Variants in SYT2 observed in about 807,000 individuals in gnomAD.
SYT2 encodes synaptotagmin 2.
In SYT2, 15 loss-of-function variants were observed where a neutral mutation model predicts 39.9. The ratio of observed to expected loss-of-function variants is 0.38; its 90% confidence interval spans 0.25 to 0.58. SYT2 has a LOEUF of 0.58. Ranked by LOEUF, SYT2 falls within the 20% of genes least tolerant of loss-of-function variation. The pLI is 0.70. For synonymous variants in SYT2, 181 were observed against 204.5 expected (o/e 0.89, Z 0.98); for missense variants, 389 against 530.3 (o/e 0.73, Z 2.62).
chr1:202,597,941 C>T (rs1444132617), intron 8 of SYT2, among the ~76,000 whole-genome samples: 1 of 152,178 alleles, frequency 6.6e-6, no homozygotes, highest in East Asian at 1.9e-4. Context: ...CCAGCCAACT[C>T]AGATTTGTCC....
intron 1 of SYT2, among the ~76,000 whole-genome samples, chr1:202,606,267 G>C (rs752265872): frequency 5.3e-5 from 8 of 152,138 alleles, no homozygotes; most frequent in Non-Finnish European, 8.8e-5. Flanking sequence ...TCACTTAGCT[G>C]TAAGTTCTGA....
chr1:202,604,585 G>C lies in SYT2; in HGVS notation c.215C>G (p.Ala72Gly), dbSNP rs1271157459. ...PWALIAIAVVAGLLLLTCCFC... is the reference protein window; with the variant it reads ...PWALIAIAVVGGLLLLTCCFC... Reference sequence around the variant, plus strand: ...GCAGCAGGTGAGAAGCAGGAGCCCAGCAACCACAGCAATGGCGATCAGTGC... The same window carrying C: ...GCAGCAGGTGAGAAGCAGGAGCCCACCAACCACAGCAATGGCGATCAGTGC... Residue 72 changes from alanine to glycine, a missense_variant, in exon 3 of 9, where the codon GCT (alanine) becomes GGT (glycine). Transcript: ENST00000367268. The C allele has an allele frequency of 6.2e-7, 1 of 1,614,038 alleles. No homozygotes were observed. Among genetic ancestry groups the C allele is most frequent in the Admixed American group, 1.7e-5 (1 of 60,000 alleles).
At chr1:202,654,162 G>A (rs564248685) in intron 1 of SYT2, among the ~76,000 whole-genome samples, 5 of 152,214 alleles carry the variant, frequency 3.3e-5, no homozygotes, top group Non-Finnish European at 7.3e-5. Flanking sequence ...TGACATTGGT[G>A]CAAATAATTA....
At chr1:202,669,954 G>A (rs1006075347) in intron 1 of SYT2, among the ~76,000 whole-genome samples, 40 of 152,116 alleles carry the variant, frequency 2.6e-4, no homozygotes, top group African/African-American at 8.0e-4. Flanking sequence ...AGCAGAGGGC[G>A]TGATGAATAC....
At chr1:202,689,773 T>C (rs568474085) in intron 1 of SYT2, among the ~76,000 whole-genome samples, 44 of 152,160 alleles carry the variant, frequency 2.9e-4, no homozygotes, top group Admixed American at 6.5e-4. Flanking sequence ...TGATTCCTCC[T>C]GGTAGTTCCC....
chr1:202,611,565 A>G (rs1276257345), intron 1 of SYT2, among the ~76,000 whole-genome samples: 1 of 152,168 alleles, frequency 6.6e-6, no homozygotes, highest in East Asian at 1.9e-4. Flanking sequence ...CATGTTGGCC[A>G]GGCTGGTCCC....
intron 1 of SYT2, among the ~76,000 whole-genome samples, chr1:202,708,877 G>A (rs972843951): frequency 5.9e-5 from 9 of 152,216 alleles, no homozygotes; most frequent in Non-Finnish European, 1.2e-4. Flanking sequence ...GCTGGACTTA[G>A]TCTTAAGTAG....
At chr1:202,618,706 A>G (rs1184901988) in intron 1 of SYT2, among the ~76,000 whole-genome samples, 1 of 152,158 alleles carries the variant, frequency 6.6e-6, no homozygotes, top group African/African-American at 2.4e-5. Flanking sequence ...CCCACAGCCC[A>G]CATCTGCTCA....
rs575666859 is a variant in SYT2 at position 202,668,986 on chromosome 1, T to C, written c.-18+41272A>G. Among the ~76,000 whole-genome samples, 20 of 152,366 alleles carry C rather than the reference T, an allele frequency of 1.3e-4. 1 individual carries two copies. The highest frequency in any genetic ancestry group is 3.4e-3 in the Middle Eastern group (1 of 294). On this transcript the variant is annotated intron_variant, in intron 1 of 8. Coordinates refer to ENST00000367268, the MANE Select transcript of SYT2 (RefSeq NM_177402.5). ...TAGTAATCAGGTATCTGTCTGTGTC[T>C]CATTTATGTCAAGCCTTCAGGAATT... is the stretch of plus-strand genomic sequence containing the variant.
At chr1:202,668,219 C>T (rs1164765225) in intron 1 of SYT2, among the ~76,000 whole-genome samples, 1 of 152,190 alleles carries the variant, frequency 6.6e-6, no homozygotes, top group Non-Finnish European at 1.5e-5. Flanking sequence ...TCACACATCT[C>T]TCGTGCGCTC....
At chr1:202,696,604 G>A (rs1009437241) in intron 1 of SYT2, among the ~76,000 whole-genome samples, 5 of 152,210 alleles carry the variant, frequency 3.3e-5, no homozygotes, top group African/African-American at 1.2e-4. Context: ...CAGAGAGCTT[G>A]CTCCACGAAT....
At chr1:202,695,751 G>T (rs1269242753) in intron 1 of SYT2, among the ~76,000 whole-genome samples, 1 of 152,202 alleles carries the variant, frequency 6.6e-6, no homozygotes, top group Admixed American at 6.5e-5. Context: ...GACCTTGTAA[G>T]GTCATCTATC....
In SYT2 at chr1:202,628,487, C is replaced by T. The variant is rs917071841; in HGVS notation, c.-17-22698G>A. Among the ~76,000 whole-genome samples the T allele has an allele frequency of 4.6e-5, 7 of 152,194 alleles. No individual in the cohort carries two copies. The highest frequency in any genetic ancestry group is 1.7e-4 in the African/African-American group (7 of 41,442). The stretch of plus-strand genomic sequence containing the variant: ...GCCAGGCCCCAGGGACAGAGACGTG[C>T]CCATCACTCTTCAGACAGAGATGCC... On this transcript the variant is annotated intron_variant, in intron 1 of 8. Transcript: ENST00000367268. The surrounding 1 kb of genome is among the most constrained non-coding windows in gnomAD (Gnocchi z 4.2).
intron 1 of SYT2, among the ~76,000 whole-genome samples, chr1:202,680,050 C>T (rs1475439139): frequency 3.3e-5 from 5 of 152,228 alleles, no homozygotes; most frequent in African/African-American, 4.8e-5. Flanking sequence ...TCCCATATCG[C>T]TGTACTGAAC....
In SYT2 at chr1:202,636,512, A is replaced by G. The variant is rs1042705226; in HGVS notation, c.-17-30723T>C. On this transcript the variant is annotated intron_variant, in intron 1 of 8. Transcript: ENST00000367268. Reference sequence around the variant, plus strand: ...CAGGCATCCCTCTCCACATTTTTTAATGGGGACCACTGAGGTCCAAGAGAT... The same window carrying G: ...CAGGCATCCCTCTCCACATTTTTTAGTGGGGACCACTGAGGTCCAAGAGAT... 22 of 567,378 alleles carry G rather than the reference A, an allele frequency of 3.9e-5. No homozygotes were observed. In the South Asian group the frequency reaches 8.4e-4, roughly 22 times the overall value. 35.1% of individuals were successfully genotyped at this position (567,378 alleles called of 1,614,324 possible). A position where few individuals can be genotyped will look rare whatever the true frequency, so the allele number is the denominator to read the frequency against.
At chr1:202,701,759 A>C (rs1654128804) in intron 1 of SYT2, among the ~76,000 whole-genome samples, 1 of 152,156 alleles carries the variant, frequency 6.6e-6, no homozygotes, top group Non-Finnish European at 1.5e-5. Context: ...GACCCCCCTG[A>C]AAATTCTTAG....
Position 202,644,903 on chromosome 1 carries a change from C to T in SYT2, c.-17-39114G>A, listed in dbSNP as rs143072974. On this transcript the variant is annotated intron_variant, in intron 1 of 8. Transcript: ENST00000367268. ...AGCCGGGGACTGAAGTGCTGCAGCA[C>T]CCGCTGCTCCTGGCCGGGCTGGAGC... Among the ~76,000 whole-genome samples the T allele has an allele frequency of 7.1e-3, 1,074 of 152,316 alleles. 10 individuals are homozygous for T. The highest frequency in any genetic ancestry group is 0.024 in the African/African-American group (1,008 of 41,564).
chr1:202,653,222 A>AC (rs536527411), intron 1 of SYT2, among the ~76,000 whole-genome samples: 58 of 151,180 alleles, frequency 3.8e-4, no homozygotes, highest in African/African-American at 1.2e-3. Flanking sequence ...CCCAACACGG[A>AC]CCCCCCCTGA....
intron 1 of SYT2, among the ~76,000 whole-genome samples, chr1:202,613,901 A>C (rs1012441265): frequency 6.6e-6 from 1 of 152,246 alleles, no homozygotes; most frequent in African/African-American, 2.4e-5. Context: ...CTTCAATATA[A>C]AATTGTGGAA....
Sources: gnomAD v4.1 joint callset for allele counts (sites outside exome capture counted in the v4.1 genomes callset) on GRCh38, gnomAD v4.1.1 for gene constraint, Gnocchi (gnomAD v3.1) non-coding constraint, MANE v1.5 for transcripts, NCBI Gene and HGNC (gene_info 2026-07-23, HGNC 2026-07-21) for gene names.